The following RBM28 variants were observed in gnomAD, a reference collection of about 807,000 sequenced individuals.
RBM28 encodes RNA-binding protein 28.
A neutral mutation model predicts 98.3 loss-of-function variants in RBM28; 78 were observed. The observed-to-expected ratio is 0.79, with a 90% confidence interval of 0.66 to 0.96. The LOEUF (loss-of-function observed/expected upper bound fraction) is 0.96. Ranked by LOEUF, RBM28 falls within the 40% of genes least tolerant of loss-of-function variation. RBM28 has a pLI of 0.00. For synonymous variants in RBM28, 306 were observed against 330.9 expected, an observed-to-expected ratio of 0.92 and a Z score of 0.82; for missense variants, 838 against 913.0, an observed-to-expected ratio of 0.92 and a Z score of 1.06.
chr7:128,333,435 G>C, intron 8 of RBM28, 73 bp from the exon 9 acceptor site: 1 of 1,274,072 alleles, frequency 7.8e-7, no homozygotes, highest in South Asian at 1.2e-5. Flanking sequence ...AACTTCTTAA[G>C]TACATAAAGA....
chr7:128,323,512 G>C lies in RBM28; in HGVS notation c.1404+15C>G. ...GGCCACGCAGAACGTGAAGGTCAAT[G>C]CCTAATCTACTCACCCGTTCTCTTT... On this transcript the variant is annotated intron_variant, in intron 13 of 18. Transcript: ENST00000223073. The C allele has an allele frequency of 6.2e-7, 1 of 1,614,024 alleles. No homozygotes were observed. The highest frequency in any genetic ancestry group is 8.5e-7 in the Non-Finnish European group (1 of 1,179,874).
rs1319285352 is a variant in RBM28, at chr7:128,324,594, G to C, written c.1304C>G (p.Thr435Ser). The C allele has an allele frequency of 6.2e-7, 1 of 1,614,226 alleles. No homozygotes were observed. Among genetic ancestry groups the C allele is most frequent in the Admixed American group, 1.7e-5 (1 of 60,026 alleles). ...KLQTTKVKKP[T>S]GTRNLYLARE... ...GGCCAGATAGAGATTCCGGGTGCCA[G>C]TCGGCTTCTTCACCTTCGTCGTCTG... Residue 435 changes from threonine to serine, a missense_variant, in exon 12 of 19, where the codon ACT becomes AGT. By Grantham distance (58) the Thr-to-Ser change is moderately conservative (BLOSUM62 1). Transcript: ENST00000223073.
At chr7:128,315,086 G>C in intron 16 of RBM28, 66 bp from the exon 17 acceptor site, 1 of 1,595,254 alleles carries the variant, frequency 6.3e-7, no homozygotes, top group South Asian at 1.1e-5. Context: ...ATACTCAGCA[G>C]AAGATGAGCT....
At chr7:128,314,688 G>A in intron 17 of RBM28, 76 bp downstream of exon 17, 2 of 1,602,040 alleles carry the variant, frequency 1.2e-6, no homozygotes, top group East Asian at 2.2e-5. Context: ...ATGCCACAAA[G>A]AGAAAATAAC....
rs769239622 is a variant in RBM28, at chr7:128,330,939, T to A, written c.1020-11A>T. ...TCAAAGGACAGATTTCTATGGAAGA[T>A]AACCAGATGATCACAAGAAAAGTCA... On this transcript the variant is annotated splice_polypyrimidine_tract_variant and intron_variant, in intron 9 of 18. Transcript: ENST00000223073. The A allele has an allele frequency of 6.3e-7, 1 of 1,575,702 alleles. No homozygotes were observed. The highest frequency in any genetic ancestry group is 8.7e-7 in the Non-Finnish European group (1 of 1,144,924).
intron 13 of RBM28, 101 bp from the exon 14 acceptor site, chr7:128,321,525 A>G: frequency 6.9e-7 from 1 of 1,443,018 alleles, no homozygotes; most frequent in Non-Finnish European, 9.6e-7. Flanking sequence ...TCCCATAACC[A>G]CACATATAGA....
intron 18 of RBM28, among the ~76,000 whole-genome samples, chr7:128,311,678 T>A (rs1795988266): frequency 6.6e-6 from 1 of 151,932 alleles, no homozygotes; most frequent in Admixed American, 6.6e-5. Flanking sequence ...ACATCAAGCA[T>A]ATGAAAACTC....
chr7:128,337,608 G>C (rs1796630608), intron 5 of RBM28, among the ~76,000 whole-genome samples: 1 of 149,326 alleles, frequency 6.7e-6, no homozygotes, highest in Non-Finnish European at 1.5e-5. Flanking sequence ...GCCCAGGCTG[G>C]AGTGCAGTGG....
At position 128,332,717 on chromosome 7, in the gene RBM28, C is replaced by G. The variant is rs78100830; in HGVS notation, c.1019+573G>C. Among the ~76,000 whole-genome samples the G allele has an allele frequency of 2.9e-3, 443 of 152,226 alleles. 2 individuals carry two copies. The highest frequency in any genetic ancestry group is 9.9e-3 in the African/African-American group (411 of 41,532). On this transcript the variant is annotated intron_variant, in intron 9 of 18. Coordinates refer to ENST00000223073, the MANE Select transcript of RBM28 (RefSeq NM_018077.3). ...ACTCTAAAATCGGATGCAAATGACC[C>G]TAGTACACTGGTACTTAAGGACTAG...
At chr7:128,317,598 C>G in intron 16 of RBM28, 61 bp downstream of exon 16, 1 of 1,319,922 alleles carries the variant, frequency 7.6e-7, no homozygotes, top group Non-Finnish European at 1.1e-6. Context: ...AGCAGAAGCA[C>G]AAATTGAACA....
intron 11 of RBM28, among the ~76,000 whole-genome samples, chr7:128,325,319 G>A (rs533507153): frequency 2.0e-5 from 3 of 152,312 alleles, no homozygotes; most frequent in Non-Finnish European, 4.4e-5. Context: ...CTGTAACCAG[G>A]CAAATGTCTA....
intron 17 of RBM28, among the ~76,000 whole-genome samples, chr7:128,314,135 T>G (rs924242272): frequency 2.6e-5 from 4 of 152,178 alleles, no homozygotes; most frequent in African/African-American, 7.2e-5. Context: ...GCTAATTTTT[T>G]GTATTTTTAG....
At chr7:128,329,551 G>C (rs145008720) in intron 10 of RBM28, among the ~76,000 whole-genome samples, 5 of 152,324 alleles carry the variant, frequency 3.3e-5, no homozygotes, top group East Asian at 1.9e-4. Flanking sequence ...TTTCTAAGGA[G>C]AGGATTCACA....
chr7:128,323,835 C>T (rs1796289036), intron 12 of RBM28, among the ~76,000 whole-genome samples: 1 of 152,192 alleles, frequency 6.6e-6, no homozygotes, highest in African/African-American at 2.4e-5. Context: ...CTTCTCTCCC[C>T]TCAAAGAATC....
chr7:128,333,159 T>C (rs921754589), intron 9 of RBM28, 131 bp downstream of exon 9: 3 of 736,522 alleles, frequency 4.1e-6, no homozygotes, highest in Non-Finnish European at 7.4e-6. Context: ...TTGTTTAGTA[T>C]GTTCCTGGGA....
At chr7:128,312,315 G>C (rs1796002706) in intron 18 of RBM28, among the ~76,000 whole-genome samples, 1 of 152,152 alleles carries the variant, frequency 6.6e-6, no homozygotes, top group Non-Finnish European at 1.5e-5. Context: ...TACTCGGGAG[G>C]CTACTCCTGG....
chr7:128,303,502 C>A lies in RBM28; in HGVS notation c.*7295G>T, dbSNP rs1445905555. On this transcript the variant is annotated 3_prime_UTR_variant, in exon 19 of 19. Transcript: ENST00000223073. ...TCCTGGAAAGGGGCAATGCCCCAGC[C>A]CAGCACACAACCAGGGCCTCATGAT... 2 of 152,252 alleles carry A rather than the reference C, an allele frequency of 1.3e-5. No homozygotes were observed. Among genetic ancestry groups the A allele is most frequent in the Non-Finnish European group, 2.9e-5 (2 of 68,108 alleles). The allele number at this position is 152,252 out of a possible 1,614,324, so 9.4% of individuals were successfully genotyped here.
At chr7:128,342,510 C>T (rs571195943) in intron 1 of RBM28, among the ~76,000 whole-genome samples, 1 of 151,952 alleles carries the variant, frequency 6.6e-6, no homozygotes, top group Non-Finnish European at 1.5e-5. Flanking sequence ...AGCGAAACCC[C>T]GTCTCTACTA....
chr7:128,330,982 C>T (rs1325727077), intron 9 of RBM28, 54 bp from the exon 10 acceptor site: 2 of 1,191,238 alleles, frequency 1.7e-6, no homozygotes, highest in African/African-American at 3.0e-5. Flanking sequence ...AAGTGAGATC[C>T]TATGTTCCAG....
Sources: gnomAD v4.1 joint callset for allele counts (sites outside exome capture counted in the v4.1 genomes callset) on GRCh38, gnomAD v4.1.1 for gene constraint, MANE v1.5 for transcripts, NCBI Gene and HGNC (gene_info 2026-07-23, HGNC 2026-07-21) for gene names.